The following NAV3 variants were observed in gnomAD, a reference collection of about 807,000 sequenced individuals.
NAV3 encodes the protein neuron navigator 3.
NAV3 carries 87 observed loss-of-function variants against 244.7 expected under a neutral mutation model. That is an observed-to-expected ratio of 0.36 (90% CI 0.30 to 0.42). The LOEUF (loss-of-function observed/expected upper bound fraction) is 0.42, where lower values mean the gene tolerates loss of function less well. Ranked by LOEUF, NAV3 falls within the 20% of genes least tolerant of loss-of-function variation. The pLI is 1.00. For synonymous variants in NAV3, 1,126 were observed against 1,042.2 expected (o/e 1.08, Z -1.55); for missense variants, 2,663 against 2,893.3 (o/e 0.92, Z 1.83).
intron 9 of NAV3, among the ~76,000 whole-genome samples, chr12:78,040,138 A>G (rs1880603405): frequency 6.6e-6 from 1 of 152,188 alleles, no homozygotes. Flanking sequence ...AAGACCATGC[A>G]ATCAGTCCTT....
At chr12:77,656,849 T>A (rs2137015378) in intron 2 of NAV3, among the ~76,000 whole-genome samples, 1 of 152,128 alleles carries the variant, frequency 6.6e-6, no homozygotes, top group African/African-American at 2.4e-5. Context: ...AACCTGCTCC[T>A]GAATGACTAC....
intron 1 of NAV3, among the ~76,000 whole-genome samples, chr12:77,905,308 A>G (rs1250048476): frequency 2.6e-5 from 4 of 152,104 alleles, no homozygotes; most frequent in Non-Finnish European, 5.9e-5. Context: ...TTTCTTTCCT[A>G]TGCATTCTTT....
At position 78,006,575 on chromosome 12, in the gene NAV3, C is replaced by T. The variant is rs753195057; in HGVS notation, c.1037C>T (p.Thr346Ile). 1.2e-5 allele frequency: 19 copies of T among 1,613,932 alleles called. No homozygotes were observed. The highest frequency in any genetic ancestry group is 1.6e-4 in the Middle Eastern group (1 of 6,084). ...SMNVKHSATS[T>I]MLTVKQSSTA... Reference sequence around the variant, plus strand: ...AATGTCAAACACAGTGCCACCTCCACCATGTTGACTGTAAAGCAGTCAAGT... The same window carrying T: ...AATGTCAAACACAGTGCCACCTCCATCATGTTGACTGTAAAGCAGTCAAGT... Residue 346 changes from threonine (T) to isoleucine (I), a missense_variant, in exon 8 of 40, where the codon ACC (threonine) becomes ATC (isoleucine). By Grantham distance (89) the Thr-to-Ile change is moderately conservative (BLOSUM62 -1). This residue lies in a region of NAV3 where 1,521 missense variants were observed against 1,497.0 expected (regional missense o/e 1.02). Coordinates refer to ENST00000397909, the MANE Select transcript of NAV3 (RefSeq NM_001024383.2).
intron 12 of NAV3, among the ~76,000 whole-genome samples, chr12:78,061,205 C>G (rs1349643163): frequency 1.3e-5 from 2 of 152,102 alleles, no homozygotes; most frequent in African/African-American, 4.8e-5. Context: ...CAAGGTGATT[C>G]TTAAGTTCAA....
chr12:77,604,738 T>C (rs1870594123), intron 2 of NAV3, among the ~76,000 whole-genome samples: 1 of 152,064 alleles, frequency 6.6e-6, no homozygotes, highest in African/African-American at 2.4e-5. Context: ...CATTTCTGTT[T>C]CTTGTGCCCT....
rs377644895 is a variant in NAV3 at position 78,200,498 on chromosome 12, C to A, written c.6741C>A (p.Pro2247=). The A allele has an allele frequency of 1.9e-6, 3 of 1,589,334 alleles. No homozygotes were observed. Among genetic ancestry groups the A allele is most frequent in the Non-Finnish European group, 2.6e-6 (3 of 1,167,332 alleles). Residue 2247 remains proline, a synonymous_variant, in exon 38 of 40, where the codon CCC becomes CCA. Transcript: ENST00000397909. ...TIGPRLFLPC[P]MDVEGSRVWF... ...GTCCCCGACTATTCCTTCCTTGCCC[C>A]ATGGATGTAGAAGGTTCTAGAGTAT...
chr12:77,977,712 G>GCGCA (rs1349366739), intron 5 of NAV3, among the ~76,000 whole-genome samples: 37,708 of 142,854 alleles, frequency 0.26, 5,179 homozygotes, highest in East Asian at 0.38. Flanking sequence ...ACACACACGC[G>GCGCA]CACACACACA....
intron 35 of NAV3, 82 bp from the exon 36 acceptor site, chr12:78,198,523 C>T (rs1959234854): frequency 6.4e-6 from 5 of 775,616 alleles, no homozygotes; most frequent in Non-Finnish European, 8.5e-6. Context: ...CATATCTATC[C>T]TAGTAGTTTT....
chr12:78,087,058 T>C (rs766995067), intron 12 of NAV3, among the ~76,000 whole-genome samples: 6 of 152,070 alleles, frequency 3.9e-5, no homozygotes, highest in Non-Finnish European at 5.9e-5. Flanking sequence ...TTTTGGTGTT[T>C]ATTTTCTTTA....
intron 22 of NAV3, among the ~76,000 whole-genome samples, chr12:78,154,476 T>C (rs1957221613): frequency 6.6e-6 from 1 of 150,728 alleles, no homozygotes; most frequent in South Asian, 2.1e-4. Context: ...TGATATTTCA[T>C]CTTGTTGTGT....
At chr12:77,756,462 G>A (rs1281985462) in intron 2 of NAV3, among the ~76,000 whole-genome samples, 1 of 152,028 alleles carries the variant, frequency 6.6e-6, no homozygotes, top group Non-Finnish European at 1.5e-5. Context: ...GAATGAAGGG[G>A]TGCTTGGAAA....
chr12:77,627,344 CT>C (rs1254503762), intron 2 of NAV3, among the ~76,000 whole-genome samples: 1 of 152,008 alleles, frequency 6.6e-6, no homozygotes, highest in Non-Finnish European at 1.5e-5. Context: ...AAACAAAATA[CT>C]TTTTATAAAG....
At chr12:77,959,283 A>G (rs1453537570) in intron 3 of NAV3, among the ~76,000 whole-genome samples, 1 of 152,094 alleles carries the variant, frequency 6.6e-6, no homozygotes, top group East Asian at 1.9e-4. Context: ...CTATGGGTTT[A>G]AAAGATCCTC....
chr12:78,101,464 A>G (rs910544813), intron 12 of NAV3, among the ~76,000 whole-genome samples: 3 of 152,212 alleles, frequency 2.0e-5, no homozygotes, highest in African/African-American at 7.2e-5. Context: ...AAACTGCTAT[A>G]AAAATCATTA....
In NAV3 at chr12:77,831,195, CAGAGAGAGAGAGAG is replaced by C. The variant is rs71088342; in HGVS notation, c.-257_-244del. On this transcript the variant is annotated 5_prime_UTR_variant, in exon 1 of 40. Coordinates refer to ENST00000397909, the MANE Select transcript of NAV3 (RefSeq NM_001024383.2). ...AGAGAGAGAGAGAGAGAGAGAGAGA[CAGAGAGAGAGAGAG>C]AGAGAGAGAAAGAGAGAGAGAGAGA... The C allele has an allele frequency of 1.0e-4, 15 of 145,142 alleles. 1 individual carries two copies. The highest frequency in any genetic ancestry group is 2.2e-4 in the Non-Finnish European group (15 of 69,514). The allele number at this position is 145,142 out of a possible 1,614,324, so 9.0% of individuals were successfully genotyped here.
intron 2 of NAV3, among the ~76,000 whole-genome samples, chr12:77,710,007 C>T (rs1238021912): frequency 1.3e-5 from 2 of 152,080 alleles, no homozygotes; most frequent in African/African-American, 2.4e-5. Context: ...ATATGAGCAT[C>T]AGCAGAGAAA....
chr12:77,574,300 T>C (rs966689772), intron 2 of NAV3, among the ~76,000 whole-genome samples: 1 of 152,070 alleles, frequency 6.6e-6, no homozygotes, highest in Non-Finnish European at 1.5e-5. Flanking sequence ...TTGGTATGTA[T>C]AGATAAAGGT....
chr12:78,048,336 T>C (rs1286364021), intron 9 of NAV3, among the ~76,000 whole-genome samples: 1 of 152,340 alleles, frequency 6.6e-6, no homozygotes, highest in African/African-American at 2.4e-5. Flanking sequence ...CTGTTTTTTT[T>C]CTCATCTTTG....
intron 2 of NAV3, among the ~76,000 whole-genome samples, chr12:77,732,493 CAGAT>C (rs1339190221): frequency 3.9e-5 from 6 of 151,926 alleles, no homozygotes; most frequent in Non-Finnish European, 7.4e-5. Flanking sequence ...CTCCCAAAAA[CAGAT>C]AGAATTAAGT....
Sources: gnomAD v4.1 joint callset for allele counts (sites outside exome capture counted in the v4.1 genomes callset) on GRCh38, gnomAD v4.1.1 for gene constraint, gnomAD v4.1.1 regional missense constraint, MANE v1.5 for transcripts, NCBI Gene and HGNC (gene_info 2026-07-23, HGNC 2026-07-21) for gene names.